TET3: variants seen among roughly 807,000 people sequenced by gnomAD.
The protein encoded by TET3 is tet methylcytosine dioxygenase 3.
In TET3, 19 loss-of-function variants were observed where a neutral mutation model predicts 141.4. That is an observed-to-expected ratio of 0.13 (90% CI 0.09 to 0.20). The LOEUF is 0.20. TET3 is among the 10% of genes least tolerant of loss of function. The probability of loss-of-function intolerance (pLI) is 1.00; values close to 1 mark genes in which losing one functional copy is unlikely to be tolerated. For synonymous variants in TET3, 1,043 were observed against 980.9 expected, an observed-to-expected ratio of 1.06 and a Z score of -1.18; for missense variants, 1,874 against 2,356.9, an observed-to-expected ratio of 0.80 and a Z score of 4.24.
the TET3 span, among the ~76,000 whole-genome samples, chr2:74,131,359 G>C: frequency 6.6e-6 from 1 of 152,192 alleles, no homozygotes; most frequent in African/African-American, 2.4e-5. Flanking sequence ...GAGCGCTCCA[G>C]CAGCCATTGT....
intron 6 of TET3, among the ~76,000 whole-genome samples, chr2:74,083,645 C>G (rs995676083): frequency 6.6e-6 from 1 of 152,170 alleles, no homozygotes; most frequent in Admixed American, 6.5e-5. Context: ...TTTCATCCTG[C>G]CAGGCTCCTT....
At position 74,096,748 on chromosome 2, in the gene TET3, A is replaced by G. The variant is rs921404031; in HGVS notation, c.3268-2528A>G. ...GCGCCACTGCACTCCAGCCTGTGCA[A>G]TAAGAGCAAAACTCTGTCTCAAAAA... On this transcript the variant is annotated intron_variant, in intron 10 of 11. Transcript: ENST00000409262. Among the ~76,000 whole-genome samples the G allele has an allele frequency of 3.3e-5, 5 of 149,606 alleles. No individual in the cohort carries two copies. The Admixed American group carries it at 3.4e-4, about 10-fold the overall frequency.
chr2:74,112,852 T>C (rs1691734441), downstream of TET3, among the ~76,000 whole-genome samples: 1 of 148,762 alleles, frequency 6.7e-6, no homozygotes, highest in Non-Finnish European at 1.5e-5. Context: ...AATACAAAAA[T>C]TAGCTGGGCA....
In TET3 at chr2:74,088,038, A is replaced by C. The variant is rs1472171585; in HGVS notation, c.2888A>C (p.Asp963Ala). The C allele has an allele frequency of 4.5e-6, 7 of 1,556,514 alleles. No homozygotes were observed. The East Asian group carries it at 1.7e-4, about 38-fold the overall frequency. The change falls in exon 7 of 12, where the codon GAC becomes GCC. Residue 963 changes from aspartate (D) to alanine (A), a missense_variant and splice_region_variant. Coordinates refer to ENST00000409262, the MANE Select transcript of TET3 (RefSeq NM_001287491.2). ...AGCCGGAGATGCGGCCTCAACGATGAGTATGTAGCAGAGGGCTTCAGGGCC... is the reference window on the plus strand; with the variant it reads ...AGCCGGAGATGCGGCCTCAACGATGCGTATGTAGCAGAGGGCTTCAGGGCC... ...PTSRRCGLND[D>A]RTCACQGKDP...
At chr2:74,118,981 A>G in the TET3 span, among the ~76,000 whole-genome samples, 2 of 152,236 alleles carry the variant, frequency 1.3e-5, no homozygotes, top group Admixed American at 1.3e-4. Flanking sequence ...GTCCAGAATC[A>G]CACCATGCAT....
the TET3 span, chr2:74,122,340 A>T: frequency 6.6e-6 from 1 of 151,572 alleles, no homozygotes; most frequent in Non-Finnish European, 1.5e-5. Context: ...CCCAATCCAA[A>T]ATCCCAGAGA....
rs542642939 is a variant in TET3 at position 74,093,918 on chromosome 2, A to C, written c.3267+252A>C. On this transcript the variant is annotated intron_variant, in intron 10 of 11. Transcript: ENST00000409262. The surrounding 1 kb of genome is among the most constrained non-coding windows in gnomAD (Gnocchi z 4.2). Reference sequence around the variant, plus strand: ...GGGATGCTGCAGGATGTAGCCCCTCAAGCACCTGGAGTGCCCAGTTATCTA... The same window carrying C: ...GGGATGCTGCAGGATGTAGCCCCTCCAGCACCTGGAGTGCCCAGTTATCTA... 2.0e-5 allele frequency among the ~76,000 whole-genome samples: 3 copies of C among 152,306 alleles called. No homozygotes were observed. The highest frequency in any genetic ancestry group is 4.4e-5 in the Non-Finnish European group (3 of 68,030).
At chr2:74,002,704 TGGCC>T (rs1294777288) in intron 2 of TET3, 1 of 433,110 alleles carries the variant, frequency 2.3e-6, no homozygotes, top group Non-Finnish European at 4.0e-6. Context: ...AGCCGGCAGC[TGGCC>T]GCCGCCTCCT....
intron 3 of TET3, among the ~76,000 whole-genome samples, chr2:74,009,444 C>G (rs530501883): frequency 7.2e-5 from 11 of 152,316 alleles, no homozygotes; most frequent in African/African-American, 2.6e-4. Flanking sequence ...AGAGGGCTGT[C>G]CCTACTGCAT....
At chr2:74,018,023 A>C (rs901275204) in intron 3 of TET3, among the ~76,000 whole-genome samples, 2 of 133,356 alleles carry the variant, frequency 1.5e-5, no homozygotes, top group South Asian at 4.5e-4. Context: ...GCTGCAGTGC[A>C]GTAGCACAAT....
the TET3 span, chr2:74,122,559 G>T: frequency 7.9e-6 from 1 of 127,306 alleles, no homozygotes; most frequent in Non-Finnish European, 1.6e-5. Context: ...TGTTACCCAG[G>T]CTGGAGTGCA....
chr2:74,080,561 G>C lies in TET3; in HGVS notation c.2649G>C (p.Lys883Asn). Reference protein sequence around the residue: ...EKVIYTGKEGKSSRGCPIAKW... With the variant: ...EKVIYTGKEGNSSRGCPIAKW... ...TCATCTACACGGGGAAGGAGGGAAA[G>C]AGCTCCCGCGGTTGCCCCATTGCAA... The change falls in exon 6 of 12, where the codon AAG becomes AAC. Residue 883 changes from lysine to asparagine, a missense_variant. By Grantham distance (94) the Lys-to-Asn change is moderately conservative. Coordinates refer to ENST00000409262, the MANE Select transcript of TET3 (RefSeq NM_001287491.2). 1 of 1,613,450 alleles carries C rather than the reference G, an allele frequency of 6.2e-7. No homozygotes were observed.
At chr2:74,015,299 A>G (rs1174555291) in intron 3 of TET3, among the ~76,000 whole-genome samples, 1 of 152,238 alleles carries the variant, frequency 6.6e-6, no homozygotes, top group African/African-American at 2.4e-5. Context: ...CAAAATGCAG[A>G]AAGTTTTGAA....
rs1389685563 is a variant in TET3 at position 74,102,045 on chromosome 2, G to C, written c.5257G>C (p.Glu1753Gln). ...CAAGTGGGGGGGCACTGTGGTTGCT[G>C]AGCCCCAGCAGAAAGAGAAGAAGGG... Reference protein sequence around the residue: ...KRKWGGTVVAEPQQKEKKGVV... With the variant: ...KRKWGGTVVAQPQQKEKKGVV... The change falls in exon 12 of 12, where the codon GAG becomes CAG. Residue 1753 changes from glutamate (E) to glutamine (Q), a missense_variant. Coordinates refer to ENST00000409262, the MANE Select transcript of TET3 (RefSeq NM_001287491.2). 1.3e-6 allele frequency: 2 copies of C among 1,542,296 alleles called. No homozygotes were observed. Among genetic ancestry groups the C allele is most frequent in the East Asian group, 4.5e-5 (2 of 44,060 alleles).
At chr2:74,002,654 GC>G (rs1363027978) in intron 2 of TET3, 3 of 381,418 alleles carry the variant, frequency 7.9e-6, no homozygotes, top group Non-Finnish European at 9.3e-6. Context: ...CGAGCGCGCC[GC>G]CCCCTCGCAC....
chr2:74,135,409 A>C, the TET3 span: 1 of 1,035,982 alleles, frequency 9.7e-7, no homozygotes, highest in Non-Finnish European at 1.5e-6. Context: ...ATGACCCTTC[A>C]AAAGCTTCAG....
intron 4 of TET3, among the ~76,000 whole-genome samples, chr2:74,050,934 C>T (rs558648519): frequency 6.6e-6 from 1 of 151,888 alleles, no homozygotes; most frequent in African/African-American, 2.4e-5. Context: ...TGCCTTTTAC[C>T]TCCGAGGCCC....
chr2:74,084,484 G>A (rs1239516874), intron 6 of TET3, among the ~76,000 whole-genome samples: 12 of 149,388 alleles, frequency 8.0e-5, no homozygotes, highest in African/African-American at 2.7e-4. Flanking sequence ...ATGGAGTCTC[G>A]CTCTGTCGCC....
At chr2:74,008,515 C>T (rs1278943795) in intron 3 of TET3, among the ~76,000 whole-genome samples, 1 of 152,194 alleles carries the variant, frequency 6.6e-6, no homozygotes, top group Non-Finnish European at 1.5e-5. Context: ...GAGCTTATTC[C>T]ATGCAGTGTT....
Sources: allele counts gnomAD v4.1 joint callset (sites outside exome capture counted in the v4.1 genomes callset), GRCh38; gene constraint gnomAD v4.1.1; non-coding constraint Gnocchi (gnomAD v3.1); transcripts MANE v1.5; gene names NCBI Gene and HGNC (gene_info 2026-07-23, HGNC 2026-07-21).